PDE4B: variants seen among roughly 807,000 people sequenced by gnomAD.
PDE4B encodes 3',5'-cyclic-AMP phosphodiesterase 4B.
In PDE4B, 20 loss-of-function variants were observed where a neutral mutation model predicts 82.2. The ratio of observed to expected loss-of-function variants is 0.24; its 90% CI spans 0.17 to 0.35. The LOEUF is 0.35. PDE4B is among the 10% of genes least tolerant of loss of function. PDE4B has a pLI of 1.00. For synonymous variants in PDE4B, 320 were observed against 318.9 expected (o/e 1.00, Z -0.04); for missense variants, 655 against 907.2 (o/e 0.72, Z 3.57).
chr1:66,191,070 C>T (rs1454666167), intron 3 of PDE4B, among the ~76,000 whole-genome samples: 1 of 152,084 alleles, frequency 6.6e-6, no homozygotes, highest in Non-Finnish European at 1.5e-5. Flanking sequence ...CATTATGTGT[C>T]TTCAAATAAT....
chr1:65,984,911 T>C lies in PDE4B; in HGVS notation c.281+66076T>C, dbSNP rs573249187. ...TATGAAATATTATATTGAAGTAAAT[T>C]TGATTAACTCTAAATTTAATTTTAA... On this transcript the variant is annotated intron_variant, in intron 3 of 16. Coordinates refer to ENST00000341517, the MANE Select transcript of PDE4B (RefSeq NM_002600.4). Among the ~76,000 whole-genome samples the C allele has an allele frequency of 3.0e-3, 426 of 140,726 alleles. 1 individual carries two copies. The highest frequency in any genetic ancestry group is 0.026 in the Middle Eastern group (7 of 268). 92.3% of individuals were successfully genotyped at this position (140,726 alleles called of 152,430 possible). A position where few individuals can be genotyped will look rare whatever the true frequency, so the allele number is the denominator to read the frequency against.
chr1:66,161,053 CA>C (rs200541954), intron 3 of PDE4B, among the ~76,000 whole-genome samples: 1 of 59,036 alleles, frequency 1.7e-5, no homozygotes, highest in Admixed American at 1.6e-4. Context: ...AGATGAAAGG[CA>C]TTTTTTTTTT....
chr1:66,068,143 G>T (rs1655963615), intron 3 of PDE4B, among the ~76,000 whole-genome samples: 1 of 151,328 alleles, frequency 6.6e-6, no homozygotes, highest in African/African-American at 2.4e-5. Flanking sequence ...TCAGTGCCTT[G>T]GGGGAGCTAT....
At chr1:66,213,378 G>C (rs1043199625) in intron 3 of PDE4B, among the ~76,000 whole-genome samples, 4 of 152,022 alleles carry the variant, frequency 2.6e-5, no homozygotes, top group African/African-American at 9.7e-5. Context: ...TGCCTATTAA[G>C]TACAAAGAAT....
At position 66,141,035 on chromosome 1, in the gene PDE4B, T is replaced by A. The variant is rs149618386; in HGVS notation, c.282-106425T>A. 8.2e-3 allele frequency among the ~76,000 whole-genome samples: 1,244 copies of A among 152,250 alleles called. 27 individuals carry two copies. Among genetic ancestry groups the A allele is most frequent in the African/African-American group, 0.028 (1,169 of 41,532 alleles). On this transcript the variant is annotated intron_variant, in intron 3 of 16. Coordinates refer to ENST00000341517, the MANE Select transcript of PDE4B (RefSeq NM_002600.4). ...ATGCAGAATTTTTCTAGTTTTTGGTTGTCAAAGATATCAATGTAAACAAAG... is the reference window on the plus strand; with the variant it reads ...ATGCAGAATTTTTCTAGTTTTTGGTAGTCAAAGATATCAATGTAAACAAAG...
intron 9 of PDE4B, among the ~76,000 whole-genome samples, chr1:66,357,606 G>A (rs755796605): frequency 2.6e-5 from 4 of 151,900 alleles, no homozygotes; most frequent in Non-Finnish European, 5.9e-5. Flanking sequence ...AAGGTTATTA[G>A]AATCTCAATC....
intron 3 of PDE4B, among the ~76,000 whole-genome samples, chr1:66,108,373 T>G (rs1300354903): frequency 6.6e-6 from 1 of 151,964 alleles, no homozygotes; most frequent in Non-Finnish European, 1.5e-5. Context: ...GGGGAAAAGC[T>G]TCTTGATAAT....
chr1:66,264,548 T>C (rs1229606914), intron 6 of PDE4B, among the ~76,000 whole-genome samples: 1 of 152,212 alleles, frequency 6.6e-6, no homozygotes, highest in African/African-American at 2.4e-5. Flanking sequence ...CACTATATGA[T>C]AATTTCCCTT....
At chr1:66,192,324 T>C (rs905518008) in intron 3 of PDE4B, among the ~76,000 whole-genome samples, 7 of 152,174 alleles carry the variant, frequency 4.6e-5, no homozygotes, top group African/African-American at 1.7e-4. Context: ...AAAAACCATT[T>C]GGTAATCATA....
At chr1:66,174,740 T>A (rs778812258) in intron 3 of PDE4B, among the ~76,000 whole-genome samples, 9 of 141,706 alleles carry the variant, frequency 6.4e-5, no homozygotes, top group African/African-American at 2.2e-4. Flanking sequence ...AGAGCCAGAC[T>A]CCATCTCAAA....
intron 8 of PDE4B, among the ~76,000 whole-genome samples, chr1:66,353,460 A>G (rs796831307): frequency 3.9e-5 from 6 of 152,328 alleles, no homozygotes; most frequent in African/African-American, 1.2e-4. Context: ...TTGGATGCGG[A>G]TGCTCATTTG....
chr1:66,007,935 A>G (rs540873415), intron 3 of PDE4B, among the ~76,000 whole-genome samples: 1 of 152,262 alleles, frequency 6.6e-6, no homozygotes, highest in Non-Finnish European at 1.5e-5. Flanking sequence ...ATTTGGAGTA[A>G]CACATTTTAT....
chr1:65,795,787 C>T (rs1403205642), intron 1 of PDE4B, among the ~76,000 whole-genome samples: 2 of 152,224 alleles, frequency 1.3e-5, no homozygotes, highest in East Asian at 3.8e-4. Context: ...TTTCCTTCCC[C>T]ATCCTTCCTC....
At chr1:66,137,315 G>T (rs949696413) in intron 3 of PDE4B, among the ~76,000 whole-genome samples, 1 of 152,188 alleles carries the variant, frequency 6.6e-6, no homozygotes, top group Non-Finnish European at 1.5e-5. Flanking sequence ...GGTTAGGACT[G>T]ATTAGAAGGA....
At chr1:66,153,374 G>C (rs929348931) in intron 3 of PDE4B, among the ~76,000 whole-genome samples, 3 of 152,114 alleles carry the variant, frequency 2.0e-5, no homozygotes, top group African/African-American at 7.2e-5. Flanking sequence ...ACCCCCAACA[G>C]ATGTCCTTGA....
intron 1 of PDE4B, among the ~76,000 whole-genome samples, chr1:65,894,399 A>G (rs543234039): frequency 5.6e-4 from 86 of 152,312 alleles, no homozygotes; most frequent in Admixed American, 1.2e-3. Flanking sequence ...AAATGAACAT[A>G]TACATATGAA....
At chr1:66,287,025 G>A (rs1177941714) in intron 7 of PDE4B, among the ~76,000 whole-genome samples, 1 of 152,124 alleles carries the variant, frequency 6.6e-6, no homozygotes, top group East Asian at 1.9e-4. Context: ...GCCATTATTA[G>A]ACACTGACTA....
At chr1:66,026,079 G>A (rs1653417115) in intron 3 of PDE4B, among the ~76,000 whole-genome samples, 2 of 152,080 alleles carry the variant, frequency 1.3e-5, no homozygotes, top group Admixed American at 1.3e-4. Flanking sequence ...GTAAATATCT[G>A]CAACATTTGG....
intron 3 of PDE4B, among the ~76,000 whole-genome samples, chr1:65,975,335 C>G (rs1395388689): frequency 6.6e-6 from 1 of 152,190 alleles, no homozygotes; most frequent in Non-Finnish European, 1.5e-5. Flanking sequence ...AGGATGTAAC[C>G]TGGCTGTTTC....
Sources: gnomAD v4.1 joint callset for allele counts (sites outside exome capture counted in the v4.1 genomes callset) on GRCh38, gnomAD v4.1.1 for gene constraint, MANE v1.5 for transcripts, NCBI Gene and HGNC (gene_info 2026-07-23, HGNC 2026-07-21) for gene names.